The following PTPRM variants were observed in gnomAD, a reference collection of about 807,000 sequenced individuals.
PTPRM encodes the protein protein tyrosine phosphatase receptor type M, also known as receptor-type tyrosine-protein phosphatase mu.
A neutral mutation model predicts 186.7 loss-of-function variants in PTPRM; 47 were observed. That is an observed-to-expected ratio of 0.25 (90% CI 0.20 to 0.32). PTPRM has a LOEUF of 0.32. Ranked by LOEUF, PTPRM falls within the 10% of genes least tolerant of loss-of-function variation. The probability of loss-of-function intolerance (pLI) is 1.00; values close to 1 mark genes in which losing one functional copy is unlikely to be tolerated. For missense variants in PTPRM, 1,494 were observed against 1,865.0 expected (o/e 0.80, Z 3.66); for synonymous variants, 668 against 674.9 (o/e 0.99, Z 0.16).
At chr18:8,178,979 A>G (rs1341335496) in intron 14 of PTPRM, among the ~76,000 whole-genome samples, 1 of 152,138 alleles carries the variant, frequency 6.6e-6, no homozygotes, top group Non-Finnish European at 1.5e-5. Context: ...GGCCTGTGAG[A>G]AAGTGATATT....
intron 2 of PTPRM, among the ~76,000 whole-genome samples, chr18:7,823,743 C>T (rs891820069): frequency 5.3e-5 from 8 of 152,182 alleles, no homozygotes; most frequent in African/African-American, 1.7e-4. Context: ...CAGTGATTTG[C>T]CAGGGGCCCT....
chr18:7,690,547 A>G (rs1307147858), intron 1 of PTPRM, among the ~76,000 whole-genome samples: 1 of 152,180 alleles, frequency 6.6e-6, no homozygotes, highest in East Asian at 1.9e-4. Flanking sequence ...CTTGGCAAAT[A>G]TGATTTGTTA....
intron 1 of PTPRM, among the ~76,000 whole-genome samples, chr18:7,723,524 C>T (rs2040488893): frequency 6.6e-6 from 1 of 152,158 alleles, no homozygotes; most frequent in Non-Finnish European, 1.5e-5. Context: ...AGAATGAGAC[C>T]TCCACTGACT....
intron 24 of PTPRM, among the ~76,000 whole-genome samples, 200 bp from the exon 25 acceptor site, chr18:8,375,846 A>AG (rs929792740): frequency 5.9e-5 from 9 of 152,120 alleles, no homozygotes; most frequent in African/African-American, 2.2e-4. Flanking sequence ...CCCCTTTCAT[A>AG]CCCAGACATC....
chr18:7,905,327 G>C (rs1340185515), intron 3 of PTPRM, among the ~76,000 whole-genome samples: 2 of 152,120 alleles, frequency 1.3e-5, no homozygotes, highest in Non-Finnish European at 2.9e-5. Context: ...TTTCTCTGAA[G>C]TGGCTCCACC....
At chr18:8,244,400 C>T (rs534176111) in intron 15 of PTPRM, among the ~76,000 whole-genome samples, 191 bp downstream of exon 15, 15 of 152,068 alleles carry the variant, frequency 9.9e-5, no homozygotes, top group African/African-American at 2.4e-4. Flanking sequence ...GGTGATAGGA[C>T]CAGATCAGAG....
At chr18:7,723,154 G>A (rs1168952016) in intron 1 of PTPRM, among the ~76,000 whole-genome samples, 1 of 151,974 alleles carries the variant, frequency 6.6e-6, no homozygotes, top group East Asian at 1.9e-4. Context: ...GTATCAGGTG[G>A]CTGTTAATCA....
At position 7,926,465 on chromosome 18, in the gene PTPRM, G is replaced by T. The variant is rs113840815; in HGVS notation, c.548-103G>T. The T allele has an allele frequency of 1.9e-3, 1,209 of 629,914 alleles. 6 individuals carry two copies. The highest frequency in any genetic ancestry group is 0.018 in the African/African-American group (968 of 53,486). The allele number at this position is 629,914 out of a possible 1,614,324, so 39.0% of individuals were successfully genotyped here. A position where few individuals can be genotyped will look rare whatever the true frequency, so the allele number is the denominator to read the frequency against. ...GCAAAAGCATTATTTTTTTCCCAAG[G>T]TGAACAAAATTGAAAGGCCAAAAAT... On this transcript the variant is annotated intron_variant, in intron 4 of 32. Coordinates refer to ENST00000580170, the MANE Select transcript of PTPRM (RefSeq NM_001105244.2).
At chr18:7,665,695 G>T (rs374573644) in intron 1 of PTPRM, among the ~76,000 whole-genome samples, 1 of 152,020 alleles carries the variant, frequency 6.6e-6, no homozygotes, top group Non-Finnish European at 1.5e-5. Context: ...TGGAGGCCGA[G>T]GGGGGTGGAT....
At chr18:8,380,019 A>G (rs1315852401) in intron 28 of PTPRM, among the ~76,000 whole-genome samples, 1 of 152,266 alleles carries the variant, frequency 6.6e-6, no homozygotes, top group Non-Finnish European at 1.5e-5. Flanking sequence ...ATAATTATGT[A>G]TAGATTCGAT....
At chr18:8,214,725 G>A (rs958649237) in intron 14 of PTPRM, among the ~76,000 whole-genome samples, 26 of 152,028 alleles carry the variant, frequency 1.7e-4, no homozygotes, top group Admixed American at 9.8e-4. Context: ...GTGCAATGGC[G>A]CAATCTCGGT....
At chr18:8,375,670 T>G (rs1172078098) in intron 24 of PTPRM, among the ~76,000 whole-genome samples, 1 of 152,226 alleles carries the variant, frequency 6.6e-6, no homozygotes, top group Non-Finnish European at 1.5e-5. Flanking sequence ...GCCCCTCTTC[T>G]GTGCCTCTTT....
At chr18:8,273,357 T>C (rs2094795224) in intron 19 of PTPRM, among the ~76,000 whole-genome samples, 1 of 152,208 alleles carries the variant, frequency 6.6e-6, no homozygotes, top group Non-Finnish European at 1.5e-5. Context: ...ATCTCTCTAG[T>C]CTTGATCTTT....
chr18:7,691,501 A>G (rs1197465278), intron 1 of PTPRM, among the ~76,000 whole-genome samples: 1 of 152,166 alleles, frequency 6.6e-6, no homozygotes, highest in Non-Finnish European at 1.5e-5. Flanking sequence ...CAAATTCGGT[A>G]TTTCGGTGCC....
At chr18:8,223,552 A>G (rs901603835) in intron 14 of PTPRM, among the ~76,000 whole-genome samples, 14 of 152,242 alleles carry the variant, frequency 9.2e-5, no homozygotes, top group East Asian at 1.9e-4. Flanking sequence ...TCCTTGTGAC[A>G]AAGTGAGTGG....
chr18:8,289,473 C>CAT (rs60714665), intron 19 of PTPRM, among the ~76,000 whole-genome samples: 52,221 of 112,368 alleles, frequency 0.46, 12,819 homozygotes, highest in Middle Eastern at 0.53. Context: ...TATATACACA[C>CAT]ATATGTATAT....
chr18:7,991,034 A>AT (rs2083241834), intron 7 of PTPRM, among the ~76,000 whole-genome samples: 1 of 152,204 alleles, frequency 6.6e-6, no homozygotes. Flanking sequence ...GAATCAGTGA[A>AT]TTTGTATTCT....
chr18:8,166,727 T>A (rs1470454686), intron 14 of PTPRM, among the ~76,000 whole-genome samples: 4 of 152,206 alleles, frequency 2.6e-5, no homozygotes, highest in Admixed American at 2.0e-4. Flanking sequence ...TAGCACATAT[T>A]CTGTTGTCCT....
intron 1 of PTPRM, among the ~76,000 whole-genome samples, chr18:7,638,019 C>T (rs1223986277): frequency 1.3e-5 from 2 of 152,104 alleles, no homozygotes. Context: ...TTTTATTAAT[C>T]ATAACATTTC....
Sources: allele counts gnomAD v4.1 joint callset (sites outside exome capture counted in the v4.1 genomes callset), GRCh38; gene constraint gnomAD v4.1.1; transcripts MANE v1.5; gene names NCBI Gene and HGNC (gene_info 2026-07-23, HGNC 2026-07-21).